BTBD2: variants seen among roughly 807,000 people sequenced by gnomAD.
BTBD2 encodes the protein BTB/POZ domain-containing protein 2.
BTBD2 carries 15 observed loss-of-function variants against 44.0 expected under a neutral mutation model. That is an observed-to-expected ratio of 0.34 (90% confidence interval 0.23 to 0.53). BTBD2 has a LOEUF of 0.53. BTBD2 is among the 20% of genes least tolerant of loss of function. BTBD2 has a pLI of 0.95. For missense variants in BTBD2, 657 were observed against 746.4 expected, an observed-to-expected ratio of 0.88 and a Z score of 1.39; for synonymous variants, 443 against 335.9, an observed-to-expected ratio of 1.32 and a Z score of -3.49.
intron 5 of BTBD2, chr19:1,988,268 AGGGACTGTGCATGGGATGTGAAGG>A (rs1394247320): frequency 2.0e-5 from 3 of 153,698 alleles, no homozygotes; most frequent in Admixed American, 6.4e-5. Context: ...TCACAGGCAG[AGGGACTGTGCATGGGATGTGAAGG>A]GGCTCTGGGT....
Position 1,987,184 on chromosome 19 carries a change from G to A in BTBD2, c.1251C>T (p.Asp417=). The stretch of plus-strand genomic sequence containing the variant: ...CTGGTACCTGGATGTTCACTTGGTA[G>A]TCGGTGGGCCCGTGGATGGATCCAT... ...GLYGSIHGPT[D]YQVNIQIIHT... Residue 417 remains aspartate, a synonymous_variant, in exon 7 of 9, where the codon GAC becomes GAT. Coordinates refer to ENST00000255608, the MANE Select transcript of BTBD2 (RefSeq NM_017797.4). 1 of 1,613,838 alleles carries A rather than the reference G, an allele frequency of 6.2e-7. No homozygotes were observed. Among genetic ancestry groups the A allele is most frequent in the Non-Finnish European group, 8.5e-7 (1 of 1,179,822 alleles).
intron 4 of BTBD2, 167 bp from the exon 5 acceptor site, chr19:1,990,368 C>T (rs1013333103): frequency 4.2e-6 from 3 of 708,716 alleles, no homozygotes; most frequent in African/African-American, 3.7e-5. Context: ...TTTATCAACA[C>T]AAGACCACGC....
chr19:1,986,885 T>C lies in BTBD2; in HGVS notation c.1361A>G (p.Lys454Arg). The change falls in exon 8 of 9, where the codon AAG becomes AGG. Residue 454 changes from lysine to arginine, a missense_variant. Physicochemically the swap from Lys to Arg is conservative, Grantham distance 26. Coordinates refer to ENST00000255608, the MANE Select transcript of BTBD2 (RefSeq NM_017797.4). The stretch of plus-strand genomic sequence containing the variant: ...GTTGGGCAGCACCTCCACCGGCTCC[T>C]TGAACATGACGCGGAAGGTGCTGGC... The part of the protein sequence containing the change: ...GSASTFRVMF[K>R]EPVEVLPNVN... The C allele has an allele frequency of 6.2e-7, 1 of 1,613,112 alleles. No individual in the cohort carries two copies. Among genetic ancestry groups the C allele is most frequent in the Non-Finnish European group, 8.5e-7 (1 of 1,179,788 alleles).
intron 1 of BTBD2, among the ~76,000 whole-genome samples, chr19:2,012,063 C>T (rs1219472904): frequency 6.6e-6 from 1 of 151,874 alleles, no homozygotes; most frequent in Non-Finnish European, 1.5e-5. Context: ...ACCACGTTGG[C>T]CAGGATGGTC....
At chr19:2,001,228 T>C (rs1410813510) in intron 1 of BTBD2, among the ~76,000 whole-genome samples, 1 of 151,726 alleles carries the variant, frequency 6.6e-6, no homozygotes, top group African/African-American at 2.4e-5. Flanking sequence ...CCGGGCACGG[T>C]GGCTCACACC....
Position 1,986,474 on chromosome 19 carries a change from C to T in BTBD2, c.*14G>A, listed in dbSNP as rs767107922. On this transcript the variant is annotated 3_prime_UTR_variant, in exon 9 of 9. Coordinates refer to ENST00000255608, the MANE Select transcript of BTBD2 (RefSeq NM_017797.4). ...TATCCCCACGGAGGGAGGGCGGTGTCGGTGTCGGGCAGCCTAGGTGTAGAA... is the reference window on the plus strand; with the variant it reads ...TATCCCCACGGAGGGAGGGCGGTGTTGGTGTCGGGCAGCCTAGGTGTAGAA... The T allele has an allele frequency of 2.3e-5, 37 of 1,610,796 alleles. No individual in the cohort carries two copies. Among genetic ancestry groups the T allele is most frequent in the Middle Eastern group, 1.7e-4 (1 of 6,050 alleles).
chr19:1,995,259 G>A (rs904573809), intron 2 of BTBD2, among the ~76,000 whole-genome samples: 5 of 142,772 alleles, frequency 3.5e-5, no homozygotes, highest in South Asian at 2.2e-4. Flanking sequence ...GAGCCACCGC[G>A]CCTAGCCATA....
chr19:1,993,281 G>A, intron 2 of BTBD2, 105 bp from the exon 3 acceptor site: 2 of 1,428,202 alleles, frequency 1.4e-6, no homozygotes, highest in Non-Finnish European at 1.8e-6. Context: ...ACCGGCCCTT[G>A]AGCTGGCAGG....
intron 1 of BTBD2, chr19:2,013,533 C>T (rs2016494038): frequency 1.0e-6 from 1 of 986,196 alleles, no homozygotes; most frequent in African/African-American, 1.8e-5. Flanking sequence ...GTAGCAGGGC[C>T]CAGGGGAGAC....
chr19:2,008,738 C>T (rs2016426347), intron 1 of BTBD2, among the ~76,000 whole-genome samples: 1 of 151,676 alleles, frequency 6.6e-6, no homozygotes, highest in Non-Finnish European at 1.5e-5. Context: ...ACCACAGGCA[C>T]ACACCACCAT....
chr19:2,013,651 G>A, intron 1 of BTBD2: 1 of 987,250 alleles, frequency 1.0e-6, no homozygotes, highest in Non-Finnish European at 1.2e-6. Context: ...CTGAGGTGGG[G>A]GTCCGGGGCT....
At chr19:2,004,395 G>A (rs1038132632) in intron 1 of BTBD2, among the ~76,000 whole-genome samples, 2 of 151,238 alleles carry the variant, frequency 1.3e-5, no homozygotes, top group African/African-American at 4.9e-5. Context: ...CCTCCCGGGT[G>A]CAAGCAATTC....
intron 6 of BTBD2, 104 bp downstream of exon 6, chr19:1,987,396 A>G (rs2016104519): frequency 1.1e-6 from 1 of 885,836 alleles, no homozygotes; most frequent in South Asian, 1.8e-5. Context: ...CGCCGTCTTC[A>G]TCATCCCTGA....
intron 7 of BTBD2, 40 bp downstream of exon 7, chr19:1,987,126 G>A: frequency 1.2e-6 from 2 of 1,603,622 alleles, no homozygotes; most frequent in Admixed American, 3.3e-5. Flanking sequence ...AGAGGACATG[G>A]GCCTGAGTGG....
intron 1 of BTBD2, among the ~76,000 whole-genome samples, chr19:2,001,942 T>C (rs934680081): frequency 6.6e-6 from 1 of 152,118 alleles, no homozygotes; most frequent in Non-Finnish European, 1.5e-5. Context: ...GGTTTCACCA[T>C]GTTGGCCAGG....
chr19:2,012,850 C>T (rs541291077), intron 1 of BTBD2, among the ~76,000 whole-genome samples: 3 of 152,184 alleles, frequency 2.0e-5, no homozygotes, highest in African/African-American at 4.8e-5. Flanking sequence ...AGCCGGTGCC[C>T]GGGGCGCCCC....
chr19:2,001,550 A>G (rs976955513), intron 1 of BTBD2, among the ~76,000 whole-genome samples: 4 of 152,222 alleles, frequency 2.6e-5, no homozygotes, highest in Non-Finnish European at 4.4e-5. Flanking sequence ...CAAAGGGCCA[A>G]TGATTCCGTG....
rs199896869 is a variant in BTBD2 at position 1,987,723 on chromosome 19, C to T, written c.989-31G>A. The stretch of plus-strand genomic sequence containing the variant: ...GCACAGGGAGGGTGTGGGGGAGGGC[C>T]GGGCTGCACCCCAGGATCCCGAGTG... On this transcript the variant is annotated intron_variant, in intron 5 of 8. Transcript: ENST00000255608. 4.4e-5 allele frequency: 68 copies of T among 1,550,508 alleles called. No homozygotes were observed. In the East Asian group the frequency reaches 1.1e-3, roughly 25 times the overall value.
chr19:2,000,233 C>G (rs1439817551), intron 1 of BTBD2, among the ~76,000 whole-genome samples: 1 of 152,186 alleles, frequency 6.6e-6, no homozygotes, highest in Non-Finnish European at 1.5e-5. Context: ...GCCCGCCCGT[C>G]TGCCCTCCTG....
Sources: gnomAD v4.1 joint callset for allele counts (sites outside exome capture counted in the v4.1 genomes callset) on GRCh38, gnomAD v4.1.1 for gene constraint, MANE v1.5 for transcripts, NCBI Gene and HGNC (gene_info 2026-07-23, HGNC 2026-07-21) for gene names.